COL5A2: variants seen among roughly 807,000 people sequenced by gnomAD.
COL5A2 encodes collagen type V alpha 2 chain.
COL5A2 carries 23 observed loss-of-function variants against 208.2 expected under a neutral mutation model. The observed-to-expected ratio is 0.11, with a 90% CI of 0.08 to 0.16. The LOEUF (loss-of-function observed/expected upper bound fraction) is 0.16. Among genes scored for constraint, COL5A2 ranks in the 10% least tolerant of loss-of-function variants. The pLI is 1.00. For synonymous variants in COL5A2, 625 were observed against 628.5 expected (o/e 0.99, Z 0.08); for missense variants, 1,590 against 1,956.4 (o/e 0.81, Z 3.53).
At chr2:189,368,390 A>G in the COL5A2 span, among the ~76,000 whole-genome samples, 1 of 152,172 alleles carries the variant, frequency 6.6e-6, no homozygotes, top group Admixed American at 6.5e-5. Flanking sequence ...TACACCTCAC[A>G]CTGCACAACA....
chr2:189,200,749 A>AG (rs1338321077), intron 1 of COL5A2, among the ~76,000 whole-genome samples: 1 of 150,920 alleles, frequency 6.6e-6, no homozygotes, highest in African/African-American at 2.4e-5. Flanking sequence ...ATACATAATG[A>AG]GGGAAAAAGA....
At chr2:189,054,699 T>A (rs1415446743) in intron 35 of COL5A2, among the ~76,000 whole-genome samples, 1 of 148,254 alleles carries the variant, frequency 6.7e-6, no homozygotes, top group Non-Finnish European at 1.5e-5. Flanking sequence ...CCTTTTTTTT[T>A]TTTTTTTTTT....
the COL5A2 span, chr2:189,311,515 C>T: frequency 8.8e-7 from 1 of 1,131,866 alleles, no homozygotes; most frequent in Non-Finnish European, 1.3e-6. Flanking sequence ...CCAGCTCTGA[C>T]TCCAGGTGCA....
intron 1 of COL5A2, among the ~76,000 whole-genome samples, chr2:189,208,086 A>G (rs1194036443): frequency 6.6e-6 from 1 of 152,180 alleles, no homozygotes; most frequent in Non-Finnish European, 1.5e-5. Flanking sequence ...CATTTATGCA[A>G]CAATCCTCTC....
At chr2:189,069,482 G>A (rs1161211068) in intron 18 of COL5A2, among the ~76,000 whole-genome samples, 1 of 152,074 alleles carries the variant, frequency 6.6e-6, no homozygotes, top group Non-Finnish European at 1.5e-5. Context: ...TCAAATGAAG[G>A]AGAAAAACTG....
intron 12 of COL5A2, among the ~76,000 whole-genome samples, chr2:189,083,134 G>A (rs900894676): frequency 1.3e-5 from 2 of 152,202 alleles, no homozygotes; most frequent in African/African-American, 2.4e-5. Context: ...TAATAAATGG[G>A]AGAGTGAATG....
the COL5A2 span, among the ~76,000 whole-genome samples, chr2:189,408,036 G>T: frequency 6.6e-6 from 1 of 152,118 alleles, no homozygotes; most frequent in East Asian, 1.9e-4. Flanking sequence ...AACCAAGATT[G>T]AGTTGACTGG....
the COL5A2 span, among the ~76,000 whole-genome samples, chr2:189,436,102 TCA>T: frequency 6.6e-6 from 1 of 152,120 alleles, no homozygotes; most frequent in Non-Finnish European, 1.5e-5. Flanking sequence ...CCGCATGTTC[TCA>T]CTCATAGGTG....
chr2:189,261,670 C>A, the COL5A2 span, among the ~76,000 whole-genome samples: 1 of 152,180 alleles, frequency 6.6e-6, no homozygotes, highest in African/African-American at 2.4e-5. Context: ...ACTTGTAATA[C>A]GTGTAGCTCA....
the COL5A2 span, among the ~76,000 whole-genome samples, chr2:189,429,617 G>A: frequency 6.6e-6 from 1 of 152,146 alleles, no homozygotes; most frequent in Non-Finnish European, 1.5e-5. Context: ...AGGCTTCCAG[G>A]ATTCACATGA....
chr2:189,071,823 C>A (rs1686281466), intron 18 of COL5A2, among the ~76,000 whole-genome samples: 1 of 152,026 alleles, frequency 6.6e-6, no homozygotes, highest in South Asian at 2.1e-4. Flanking sequence ...TATAAGGGTA[C>A]AATTATAAGT....
chr2:189,052,954 C>G lies in COL5A2; in HGVS notation c.2618G>C (p.Gly873Ala), dbSNP rs1298329179. 6.2e-7 allele frequency: 1 copy of G among 1,614,026 alleles called. No homozygotes were observed. The highest frequency in any genetic ancestry group is 8.5e-7 in the Non-Finnish European group (1 of 1,180,032). The change falls in exon 39 of 54, where the codon GGT becomes GCT. Residue 873 changes from glycine (G) to alanine (A), a missense_variant. Coordinates refer to ENST00000374866, the MANE Select transcript of COL5A2 (RefSeq NM_000393.5). ...PGEPGQKGDA[G>A]SPGPQGLAGS... Reference sequence around the variant, plus strand: ...TGCTAAACCTTGTGGTCCAGGAGAACCAGCATCTCCCTTCTGTCCTGGCTC... The same window carrying G: ...TGCTAAACCTTGTGGTCCAGGAGAAGCAGCATCTCCCTTCTGTCCTGGCTC...
In COL5A2 at chr2:189,093,619, G is replaced by A. The variant is rs1318201640; in HGVS notation, c.457-1199C>T. ...CTTCTTGCAGTAGTGGGACAAACAA[G>A]CAAATTTATCTATTAAATAGAAGTA... On this transcript the variant is annotated intron_variant, in intron 6 of 53. Coordinates refer to ENST00000374866, the MANE Select transcript of COL5A2 (RefSeq NM_000393.5). Among the ~76,000 whole-genome samples, 3 of 152,050 alleles carry A rather than the reference G, an allele frequency of 2.0e-5. No individual in the cohort carries two copies. The East Asian group carries it at 5.8e-4, about 29-fold the overall frequency.
rs375194122 is a variant in COL5A2 at position 189,063,160 on chromosome 2, C to T, written c.1869+12G>A. 78 of 1,613,320 alleles carry T rather than the reference C, an allele frequency of 4.8e-5. No individual in the cohort carries two copies. The African/African-American group carries it at 9.3e-4, about 19-fold the overall frequency. ...ATGATGAGGTGGCCAACATATTATA[C>T]ACTGTACTCACACTGCTACCTTTGG... On this transcript the variant is annotated intron_variant, in intron 27 of 53. Coordinates refer to ENST00000374866, the MANE Select transcript of COL5A2 (RefSeq NM_000393.5).
intron 51 of COL5A2, among the ~76,000 whole-genome samples, chr2:189,037,279 AAAAT>A (rs1685463637): frequency 6.6e-6 from 1 of 152,214 alleles, no homozygotes; most frequent in African/African-American, 2.4e-5. Flanking sequence ...AGATCTTTTT[AAAAT>A]TACTCTTCTC....
chr2:189,078,761 G>T lies in COL5A2; in HGVS notation c.1006-192C>A, dbSNP rs1576512424. On this transcript the variant is annotated intron_variant, in intron 15 of 53. Transcript: ENST00000374866. ...TAACCTATCACCTCTTACATAAATA[G>T]ATTTCACTTAACCTGGCTTTAATGG... 2.0e-5 allele frequency among the ~76,000 whole-genome samples: 3 copies of T among 152,086 alleles called. No homozygotes were observed. The East Asian group carries it at 5.8e-4, about 29-fold the overall frequency.
intron 1 of COL5A2, among the ~76,000 whole-genome samples, chr2:189,123,644 G>T (rs2105740370): frequency 6.6e-6 from 1 of 152,236 alleles, no homozygotes; most frequent in South Asian, 2.1e-4. Context: ...TAAAAGTTTT[G>T]GAGAGATAAA....
At chr2:189,181,389 T>C (rs1216636296), upstream of COL5A2, among the ~76,000 whole-genome samples, 2 of 152,190 alleles carry the variant, frequency 1.3e-5, no homozygotes, top group Non-Finnish European at 1.5e-5. Flanking sequence ...ATGAATGGGC[T>C]AAGTAAGGAC....
intron 1 of COL5A2, among the ~76,000 whole-genome samples, chr2:189,219,344 A>G (rs1487585786): frequency 2.0e-5 from 3 of 152,194 alleles, no homozygotes; most frequent in African/African-American, 7.2e-5. Flanking sequence ...AAACTCTTCT[A>G]TATTTGTATT....
Sources: gnomAD v4.1 joint callset for allele counts (sites outside exome capture counted in the v4.1 genomes callset) on GRCh38, gnomAD v4.1.1 for gene constraint, MANE v1.5 for transcripts, NCBI Gene and HGNC (gene_info 2026-07-23, HGNC 2026-07-21) for gene names.